The following GANC variants were observed in gnomAD, a reference collection of about 807,000 sequenced individuals.
GANC encodes glucosidase alpha, neutral C, also known as neutral alpha-glucosidase C.
GANC carries 117 observed loss-of-function variants against 124.2 expected under a neutral mutation model. The observed-to-expected ratio is 0.94, with a 90% confidence interval of 0.81 to 1.10. The LOEUF (loss-of-function observed/expected upper bound fraction) is 1.10, where lower values mean the gene tolerates loss of function less well. Ranked by LOEUF, GANC falls within the 50% of genes least tolerant of loss-of-function variation. The pLI is 0.00. For missense variants in GANC, 1,140 were observed against 1,095.0 expected (o/e 1.04, Z -0.58); for synonymous variants, 377 against 376.8 (o/e 1.00, Z -0.01).
intron 5 of GANC, 107 bp from the exon 6 acceptor site, chr15:42,297,504 A>G: frequency 1.4e-6 from 1 of 700,284 alleles, no homozygotes; most frequent in Non-Finnish European, 2.5e-6. Flanking sequence ...AATACATTAA[A>G]GGATATAACT....
intron 20 of GANC, among the ~76,000 whole-genome samples, chr15:42,347,239 A>G (rs1250895932): frequency 6.6e-6 from 1 of 151,644 alleles, no homozygotes; most frequent in African/African-American, 2.4e-5. Context: ...GGGGAGATGG[A>G]AGTGCTTTAC....
chr15:42,287,523 G>A (rs2051801768), intron 3 of GANC, among the ~76,000 whole-genome samples, 168 bp from the exon 4 acceptor site: 1 of 152,060 alleles, frequency 6.6e-6, no homozygotes, highest in Non-Finnish European at 1.5e-5. Flanking sequence ...CTATAGTCAA[G>A]CAAGTACATA....
At chr15:42,312,540 CTTCT>C (rs1206582552) in intron 10 of GANC, among the ~76,000 whole-genome samples, 4 of 152,362 alleles carry the variant, frequency 2.6e-5, no homozygotes, top group African/African-American at 9.6e-5. Context: ...TACAATTAAA[CTTCT>C]TTCTTTTGTA....
chr15:42,334,645 A>T (rs899255580), intron 15 of GANC, among the ~76,000 whole-genome samples: 2 of 152,216 alleles, frequency 1.3e-5, no homozygotes, highest in African/African-American at 4.8e-5. Context: ...AAATATTTGA[A>T]ATATACATAT....
rs187334884 is a variant in GANC, at chr15:42,300,612, G to T, written c.558+2956G>T. 2.1e-4 allele frequency among the ~76,000 whole-genome samples: 32 copies of T among 152,248 alleles called. No individual in the cohort carries two copies. The East Asian group carries it at 6.0e-3, about 28-fold the overall frequency. ...CCCATTACTTGGTATATACCCAAAG[G>T]AATATAAATCATTCTACTATAAAGA... On this transcript the variant is annotated intron_variant, in intron 6 of 23. Coordinates refer to ENST00000318010, the MANE Select transcript of GANC (RefSeq NM_198141.3).
intron 10 of GANC, among the ~76,000 whole-genome samples, chr15:42,313,028 A>G (rs1273538269): frequency 6.6e-6 from 1 of 152,120 alleles, no homozygotes; most frequent in Non-Finnish European, 1.5e-5. Flanking sequence ...AAGTAAACCC[A>G]TACGCTTATG....
In GANC at chr15:42,338,405, C is replaced by T. The variant is rs138276223; in HGVS notation, c.1758C>T (p.Gly586=). Residue 586 remains glycine, a synonymous_variant, in exon 16 of 24, where the codon GGC becomes GGT. Coordinates refer to ENST00000318010, the MANE Select transcript of GANC (RefSeq NM_198141.3). ...TGACCAAAGGTGCCGTGTGGACAGGCGACAACACAGCAGAATGGAGCAACT... is the reference window on the plus strand; with the variant it reads ...TGACCAAAGGTGCCGTGTGGACAGGTGACAACACAGCAGAATGGAGCAACT... The part of the protein sequence containing the change: ...GSQKYGAVWT[G]DNTAEWSNLK... The T allele has an allele frequency of 3.1e-5, 50 of 1,613,216 alleles. No individual in the cohort carries two copies. Among genetic ancestry groups the T allele is most frequent in the South Asian group, 3.3e-5 (3 of 91,064 alleles).
chr15:42,291,941 A>G (rs977927263), intron 4 of GANC, among the ~76,000 whole-genome samples: 1 of 152,182 alleles, frequency 6.6e-6, no homozygotes, highest in African/African-American at 2.4e-5. Flanking sequence ...AAGAGAAGGC[A>G]TAGAATCCAT....
intron 11 of GANC, among the ~76,000 whole-genome samples, chr15:42,323,908 G>A (rs555859728): frequency 1.8e-4 from 28 of 152,234 alleles, no homozygotes; most frequent in African/African-American, 6.5e-4. Flanking sequence ...AGGGGTGTTC[G>A]GAAAGCAGTG....
intron 3 of GANC, chr15:42,280,776 A>G: frequency 3.3e-6 from 2 of 604,028 alleles, no homozygotes; most frequent in Admixed American, 2.9e-5. Flanking sequence ...ATCACCCGGA[A>G]TATCAGTGGT....
chr15:42,339,416 C>T (rs1261180334), intron 16 of GANC, among the ~76,000 whole-genome samples: 1 of 151,218 alleles, frequency 6.6e-6, no homozygotes, highest in Non-Finnish European at 1.5e-5. Context: ...GGGGAACATA[C>T]AGGAATATTG....
At chr15:42,303,670 GAAA>G (rs150074091) in intron 6 of GANC, among the ~76,000 whole-genome samples, 1 of 128,576 alleles carries the variant, frequency 7.8e-6, no homozygotes, top group Non-Finnish European at 1.6e-5. Flanking sequence ...TATTTACCAA[GAAA>G]AAAAAAAAAA....
At chr15:42,351,508 C>A in intron 23 of GANC, 76 bp downstream of exon 23, 1 of 1,023,478 alleles carries the variant, frequency 9.8e-7, no homozygotes, top group South Asian at 1.3e-5. Flanking sequence ...GATTAGTCCC[C>A]AAACGGAGAT....
chr15:42,327,548 A>G, intron 13 of GANC, 106 bp downstream of exon 13: 1 of 949,490 alleles, frequency 1.1e-6, no homozygotes, highest in East Asian at 2.4e-5. Context: ...CTTTTGATAT[A>G]TAATGCTTTT....
At chr15:42,315,824 A>G (rs2052096470) in intron 10 of GANC, among the ~76,000 whole-genome samples, 1 of 152,066 alleles carries the variant, frequency 6.6e-6, no homozygotes, top group South Asian at 2.1e-4. Flanking sequence ...GTCCCTGGGG[A>G]AAACAGAATG....
chr15:42,278,729 C>T (rs1172464587), intron 3 of GANC, 139 bp downstream of exon 3: 4 of 596,570 alleles, frequency 6.7e-6, no homozygotes, highest in Non-Finnish European at 8.6e-6. Flanking sequence ...ATTAGTGGCT[C>T]ACGCCTGTAA....
intron 8 of GANC, among the ~76,000 whole-genome samples, chr15:42,309,241 C>G (rs1157171663): frequency 1.3e-5 from 2 of 152,178 alleles, no homozygotes; most frequent in Admixed American, 1.3e-4. Flanking sequence ...TGCTCTCACA[C>G]TGATTTCAGC....
intron 22 of GANC, 89 bp from the exon 23 acceptor site, chr15:42,351,240 A>AGAGGAAC: frequency 1.2e-6 from 1 of 841,736 alleles, no homozygotes; most frequent in Non-Finnish European, 2.0e-6. Context: ...GACAGATGGG[A>AGAGGAAC]GAGGAACTCA....
At chr15:42,306,478 G>A in intron 6 of GANC, 68 bp from the exon 7 acceptor site, 3 of 1,185,920 alleles carry the variant, frequency 2.5e-6, no homozygotes, top group Middle Eastern at 2.0e-4. Context: ...CAAATAAAAT[G>A]AGCTATTGTG....
Sources: gnomAD v4.1 joint callset for allele counts (sites outside exome capture counted in the v4.1 genomes callset) on GRCh38, gnomAD v4.1.1 for gene constraint, MANE v1.5 for transcripts, NCBI Gene and HGNC (gene_info 2026-07-23, HGNC 2026-07-21) for gene names.